The following EBF1 variants were observed in gnomAD, a reference collection of about 807,000 sequenced individuals.
EBF1 encodes transcription factor COE1.
In EBF1, 10 loss-of-function variants were observed where a neutral mutation model predicts 68.4. The ratio of observed to expected loss-of-function variants is 0.15; its 90% CI spans 0.09 to 0.25. The LOEUF (loss-of-function observed/expected upper bound fraction) is 0.25, where lower values mean the gene tolerates loss of function less well. EBF1 is among the 10% of genes least tolerant of loss of function. The pLI is 1.00. For missense variants in EBF1, 509 were observed against 794.4 expected (o/e 0.64, Z 4.32); for synonymous variants, 298 against 299.8 (o/e 0.99, Z 0.06).
chr5:158,764,961 G>T (rs1261785748), intron 10 of EBF1, among the ~76,000 whole-genome samples: 1 of 151,840 alleles, frequency 6.6e-6, no homozygotes, highest in African/African-American at 2.4e-5. Context: ...TCCTCATAAA[G>T]AACAAAAAGG....
chr5:158,989,019 C>G (rs1487579496), intron 6 of EBF1, among the ~76,000 whole-genome samples: 1 of 152,160 alleles, frequency 6.6e-6, no homozygotes, highest in Non-Finnish European at 1.5e-5. Flanking sequence ...CTTCTCTGCC[C>G]CAGAGGAACA....
intron 6 of EBF1, among the ~76,000 whole-genome samples, chr5:158,935,485 T>G (rs1811812565): frequency 6.6e-6 from 1 of 152,098 alleles, no homozygotes; most frequent in Admixed American, 6.5e-5. Context: ...ACACCCTATA[T>G]CCACTGCTGC....
chr5:158,739,274 A>G (rs185196573), intron 10 of EBF1, among the ~76,000 whole-genome samples: 1 of 152,314 alleles, frequency 6.6e-6, no homozygotes, highest in African/African-American at 2.4e-5. Flanking sequence ...GGAGGGCTAT[A>G]CTGTGTCTAA....
At chr5:158,936,530 TG>T (rs1484331034) in intron 6 of EBF1, among the ~76,000 whole-genome samples, 1 of 152,234 alleles carries the variant, frequency 6.6e-6, no homozygotes, top group East Asian at 1.9e-4. Context: ...CATCAGCATG[TG>T]GATGGCACAC....
intron 14 of EBF1, 113 bp downstream of exon 14, chr5:158,712,041 A>T: frequency 7.7e-7 from 1 of 1,296,096 alleles, no homozygotes; most frequent in Non-Finnish European, 1.1e-6. Context: ...GCCTTACAGG[A>T]GGGAAAGATG....
intron 5 of EBF1, among the ~76,000 whole-genome samples, chr5:159,075,070 A>G (rs995643070): frequency 1.3e-5 from 2 of 152,196 alleles, no homozygotes; most frequent in Non-Finnish European, 2.9e-5. Context: ...GGTTAAGAAC[A>G]CTGGTTCTGA....
chr5:158,870,004 G>A (rs1442226727), intron 6 of EBF1, among the ~76,000 whole-genome samples: 3 of 152,160 alleles, frequency 2.0e-5, no homozygotes, highest in Admixed American at 6.5e-5. Context: ...CTCATAAAGA[G>A]CAAGATTTCA....
intron 5 of EBF1, among the ~76,000 whole-genome samples, chr5:159,074,785 T>A (rs1778436196): frequency 6.6e-6 from 1 of 152,196 alleles, no homozygotes; most frequent in Non-Finnish European, 1.5e-5. Flanking sequence ...AAGCCTCGGC[T>A]AAAACCACTC....
At chr5:158,993,427 C>T (rs1164341115) in intron 6 of EBF1, among the ~76,000 whole-genome samples, 3 of 152,158 alleles carry the variant, frequency 2.0e-5, no homozygotes, top group East Asian at 3.9e-4. Context: ...ACTACTGAAT[C>T]GATGGATTAT....
intron 10 of EBF1, among the ~76,000 whole-genome samples, chr5:158,764,042 C>T (rs2127627945): frequency 6.6e-6 from 1 of 152,270 alleles, no homozygotes; most frequent in East Asian, 1.9e-4. Flanking sequence ...CTGTACTAAG[C>T]TTTTTATATG....
intron 6 of EBF1, among the ~76,000 whole-genome samples, chr5:159,001,690 G>C (rs928892130): frequency 2.6e-5 from 4 of 152,166 alleles, no homozygotes; most frequent in Non-Finnish European, 5.9e-5. Flanking sequence ...TTTAAGGAGA[G>C]GATAAAGTGC....
At chr5:158,985,416 T>C (rs1758828528) in intron 6 of EBF1, among the ~76,000 whole-genome samples, 1 of 152,222 alleles carries the variant, frequency 6.6e-6, no homozygotes, top group Non-Finnish European at 1.5e-5. Flanking sequence ...CTCTACCCCA[T>C]ACCAATTATT....
intron 8 of EBF1, among the ~76,000 whole-genome samples, chr5:158,810,064 G>A (rs190013987): frequency 4.3e-4 from 66 of 152,278 alleles, no homozygotes; most frequent in Admixed American, 3.1e-3. Flanking sequence ...AAAGGTAGAG[G>A]AATATGAGGT....
At chr5:158,819,491 C>A (rs1342781153) in intron 8 of EBF1, among the ~76,000 whole-genome samples, 2 of 152,214 alleles carry the variant, frequency 1.3e-5, no homozygotes, top group African/African-American at 4.8e-5. Flanking sequence ...GCCTTGAATT[C>A]AAGTAAACAC....
intron 6 of EBF1, among the ~76,000 whole-genome samples, chr5:159,057,104 C>CTTTTTTTTTTT (rs1205129627): frequency 5.7e-4 from 63 of 110,626 alleles, no homozygotes; most frequent in African/African-American, 6.2e-4. Context: ...CTTTTCTTTT[C>CTTTTTTTTTTT]TTTTTTTTTT....
intron 6 of EBF1, among the ~76,000 whole-genome samples, chr5:159,056,567 G>T (rs1774769999): frequency 6.6e-6 from 1 of 152,148 alleles, no homozygotes; most frequent in Non-Finnish European, 1.5e-5. Context: ...TTCCAAATGT[G>T]TGACAAACCT....
chr5:158,990,133 G>A (rs538446024), intron 6 of EBF1, among the ~76,000 whole-genome samples: 4 of 152,296 alleles, frequency 2.6e-5, no homozygotes, highest in Admixed American at 1.3e-4. Context: ...TGGGATTGGG[G>A]CACCAAGGGG....
chr5:158,801,681 A>G (rs1780612980), intron 8 of EBF1, among the ~76,000 whole-genome samples: 1 of 151,772 alleles, frequency 6.6e-6, no homozygotes, highest in Admixed American at 6.6e-5. Flanking sequence ...AAAAAAAAAA[A>G]AAGAAAGAAA....
chr5:158,881,426 C>T (rs985471279), intron 6 of EBF1, among the ~76,000 whole-genome samples: 2 of 152,184 alleles, frequency 1.3e-5, no homozygotes, highest in African/African-American at 4.8e-5. Flanking sequence ...AAATTTTACC[C>T]TGGACTTGCC....
Sources: gnomAD v4.1 joint callset for allele counts (sites outside exome capture counted in the v4.1 genomes callset) on GRCh38, gnomAD v4.1.1 for gene constraint, MANE v1.5 for transcripts, NCBI Gene and HGNC (gene_info 2026-07-23, HGNC 2026-07-21) for gene names.